Variants in ADGRB3 observed in about 807,000 individuals in gnomAD.
ADGRB3 encodes adhesion G protein-coupled receptor B3, also known as brain-specific angiogenesis inhibitor 3.
In ADGRB3, 37 loss-of-function variants were observed where a neutral mutation model predicts 193.4. The observed-to-expected ratio is 0.19, with a 90% CI of 0.15 to 0.25. The LOEUF is 0.25. ADGRB3 is among the 10% of genes least tolerant of loss of function. The pLI, the probability that ADGRB3 is intolerant of heterozygous loss-of-function variation, is 1.00. For synonymous variants in ADGRB3, 690 were observed against 644.2 expected (o/e 1.07, Z -1.08); for missense variants, 1,637 against 1,852.9 (o/e 0.88, Z 2.14).
At chr6:69,025,100 AAAAAAAAAAT>A (rs1391081921) in intron 13 of ADGRB3, among the ~76,000 whole-genome samples, 3 of 151,476 alleles carry the variant, frequency 2.0e-5, no homozygotes, top group Non-Finnish European at 2.9e-5. Context: ...TCAAAAAAAA[AAAAAAAAAAT>A]AAAAAATAAT....
chr6:68,734,472 G>A (rs571310075), intron 3 of ADGRB3, among the ~76,000 whole-genome samples: 1 of 151,996 alleles, frequency 6.6e-6, no homozygotes, highest in East Asian at 1.9e-4. Flanking sequence ...TCTTGGGCAT[G>A]CATATAATGG....
intron 17 of ADGRB3, among the ~76,000 whole-genome samples, chr6:69,145,973 C>T (rs984516022): frequency 2.0e-5 from 3 of 152,142 alleles, no homozygotes; most frequent in Non-Finnish European, 4.4e-5. Flanking sequence ...GGGAAAAGCA[C>T]TATAAGTTCC....
chr6:69,039,982 C>T (rs571247325), intron 13 of ADGRB3, among the ~76,000 whole-genome samples: 12 of 152,012 alleles, frequency 7.9e-5, no homozygotes, highest in African/African-American at 1.4e-4. Context: ...CATCGTGATC[C>T]GCCCGCCTCG....
Position 68,806,293 on chromosome 6 carries a change from A to G in ADGRB3, c.758-124266A>G, listed in dbSNP as rs779916837. On this transcript the variant is annotated intron_variant, in intron 3 of 31. Transcript: ENST00000370598. The stretch of plus-strand genomic sequence containing the variant: ...GATAACTTTTATAACACTAAGCTGA[A>G]ATCTTAACATATCTTACAATTTTGT... 3.9e-4 allele frequency among the ~76,000 whole-genome samples: 59 copies of G among 152,200 alleles called. 1 individual carries two copies. The highest frequency in any genetic ancestry group is 5.9e-5 in the Non-Finnish European group (4 of 68,020).
At chr6:68,935,919 T>G (rs1301378948) in intron 4 of ADGRB3, among the ~76,000 whole-genome samples, 7 of 152,138 alleles carry the variant, frequency 4.6e-5, no homozygotes, top group Non-Finnish European at 7.4e-5. Flanking sequence ...TAGGTGAAAT[T>G]GTTAGCAGAA....
chr6:69,079,958 A>G (rs1349269498), intron 17 of ADGRB3, among the ~76,000 whole-genome samples: 2 of 152,028 alleles, frequency 1.3e-5, no homozygotes, highest in Non-Finnish European at 2.9e-5. Context: ...CTTCATTTCA[A>G]ATTGATTTAT....
At chr6:68,863,797 G>A (rs482872) in intron 3 of ADGRB3, among the ~76,000 whole-genome samples, 68,051 of 151,854 alleles carry the variant, frequency 0.45, 16,582 homozygotes, top group East Asian at 0.6. Flanking sequence ...CTCAATATCC[G>A]TTACATTAAA....
chr6:69,228,538 A>G (rs950360228), intron 17 of ADGRB3, among the ~76,000 whole-genome samples: 1 of 152,184 alleles, frequency 6.6e-6, no homozygotes, highest in Admixed American at 6.5e-5. Flanking sequence ...TAGATAACAA[A>G]TTAGAACCTT....
intron 17 of ADGRB3, among the ~76,000 whole-genome samples, chr6:69,143,664 G>C (rs1260385563): frequency 6.6e-6 from 1 of 152,056 alleles, no homozygotes; most frequent in East Asian, 1.9e-4. Context: ...TATATTCTTG[G>C]CACCTTTGTG....
intron 30 of ADGRB3, among the ~76,000 whole-genome samples, chr6:69,377,345 C>T (rs1769850515): frequency 6.6e-6 from 1 of 152,018 alleles, no homozygotes; most frequent in South Asian, 2.1e-4. Context: ...TCAGTGGCCC[C>T]TTATTCTCCT....
chr6:68,845,076 G>C (rs116192766), intron 3 of ADGRB3, among the ~76,000 whole-genome samples: 4 of 152,194 alleles, frequency 2.6e-5, no homozygotes, highest in Non-Finnish European at 4.4e-5. Flanking sequence ...GGTGACTACA[G>C]TCAATAATAA....
intron 3 of ADGRB3, among the ~76,000 whole-genome samples, chr6:68,870,834 A>G (rs518311): frequency 0.87 from 133,018 of 152,232 alleles, 58,378 homozygotes; most frequent in Middle Eastern, 0.95. Context: ...GTTTAGAAGA[A>G]TGCCTGGCAA....
chr6:68,920,442 C>T (rs1342935004), intron 3 of ADGRB3, among the ~76,000 whole-genome samples: 8 of 148,612 alleles, frequency 5.4e-5, no homozygotes, highest in African/African-American at 1.2e-4. Context: ...GACGTGAACC[C>T]GGGAGGCGGA....
intron 26 of ADGRB3, among the ~76,000 whole-genome samples, chr6:69,340,664 G>T (rs991533797): frequency 2.0e-5 from 3 of 151,944 alleles, no homozygotes; most frequent in Non-Finnish European, 4.4e-5. Flanking sequence ...TGTGCAGAAC[G>T]TGCAGGTTTG....
At chr6:68,820,730 A>T (rs889971236) in intron 3 of ADGRB3, among the ~76,000 whole-genome samples, 1 of 151,982 alleles carries the variant, frequency 6.6e-6, no homozygotes, top group Non-Finnish European at 1.5e-5. Flanking sequence ...CCCACAAATG[A>T]GTAAGAGTAT....
chr6:69,050,278 A>G (rs1446887853), intron 15 of ADGRB3, among the ~76,000 whole-genome samples: 2 of 152,164 alleles, frequency 1.3e-5, no homozygotes, highest in African/African-American at 4.8e-5. Flanking sequence ...ATCTTTAGAG[A>G]AAATCTTTCT....
rs61114782 is a variant in ADGRB3 at position 69,106,164 on chromosome 6, TA to T, written c.2480+30145del. On this transcript the variant is annotated intron_variant, in intron 17 of 31. Coordinates refer to ENST00000370598, the MANE Select transcript of ADGRB3 (RefSeq NM_001704.3). ...ACAGGCTTTTTCTGTGAGACTGCGTTAAAAAAAAAAAAAAAAAAAGAAAAGA... is the reference window on the plus strand; with the variant it reads ...ACAGGCTTTTTCTGTGAGACTGCGTTAAAAAAAAAAAAAAAAAAGAAAAGA... Among the ~76,000 whole-genome samples, 111 of 91,076 alleles carry T rather than the reference TA, an allele frequency of 1.2e-3. 1 individual carries two copies. The highest frequency in any genetic ancestry group is 5.9e-3 in the Middle Eastern group (1 of 170). The allele number at this position is 91,076 out of a possible 152,430, so 59.7% of individuals were successfully genotyped here.
chr6:69,356,370 G>T (rs1166165110), intron 28 of ADGRB3, among the ~76,000 whole-genome samples: 1 of 152,078 alleles, frequency 6.6e-6, no homozygotes, highest in Admixed American at 6.6e-5. Flanking sequence ...GGGTTATTGA[G>T]AAATCAAAAT....
rs573935601 is a variant in ADGRB3 at position 68,884,294 on chromosome 6, C to A, written c.758-46265C>A. ...AGTGAAGAGCTCCTTTGCTCATGGG[C>A]TCAGGGTTTGGGGGAGACAAACATT... is the stretch of plus-strand genomic sequence containing the variant. On this transcript the variant is annotated intron_variant, in intron 3 of 31. Coordinates refer to ENST00000370598, the MANE Select transcript of ADGRB3 (RefSeq NM_001704.3). Among the ~76,000 whole-genome samples the A allele has an allele frequency of 2.0e-5, 3 of 152,224 alleles. No homozygotes were observed. The East Asian group carries it at 5.8e-4, about 29-fold the overall frequency.
Sources: allele counts gnomAD v4.1 joint callset (sites outside exome capture counted in the v4.1 genomes callset), GRCh38; gene constraint gnomAD v4.1.1; transcripts MANE v1.5; gene names NCBI Gene and HGNC (gene_info 2026-07-23, HGNC 2026-07-21).